The following PCDHA1 variants were observed in gnomAD, a reference collection of about 807,000 sequenced individuals.
The protein encoded by PCDHA1 is protocadherin alpha-1.
A neutral mutation model predicts 61.3 loss-of-function variants in PCDHA1; 42 were observed. That is an observed-to-expected ratio of 0.69 (90% CI 0.54 to 0.89). The LOEUF is 0.89. Among genes scored for constraint, PCDHA1 ranks in the 40% least tolerant of loss-of-function variants. The probability of loss-of-function intolerance (pLI) is 0.00; values close to 1 mark genes in which losing one functional copy is unlikely to be tolerated. For synonymous variants in PCDHA1, 610 were observed against 553.8 expected (o/e 1.10, Z -1.43); for missense variants, 1,256 against 1,235.3 (o/e 1.02, Z -0.25).
rs1554117374 is a variant in PCDHA1, at chr5:140,786,412, A to T, written c.122A>T (p.His41Leu). 1 of 1,613,496 alleles carries T rather than the reference A, an allele frequency of 6.2e-7. No homozygotes were observed. The highest frequency in any genetic ancestry group is 1.7e-5 in the Admixed American group (1 of 60,036). ...LHYSIPEEAK[H>L]GTFVGRVAQD... ...TACTCGATCCCGGAGGAAGCCAAACACGGCACCTTCGTTGGCCGCGTTGCT... is the reference window on the plus strand; with the variant it reads ...TACTCGATCCCGGAGGAAGCCAAACTCGGCACCTTCGTTGGCCGCGTTGCT... Residue 41 changes from histidine (H) to leucine (L), a missense_variant, in exon 1 of 4, where the codon CAC becomes CTC. Physicochemically the swap from His to Leu is moderately conservative, Grantham distance 99. Transcript: ENST00000504120.
At chr5:140,968,540 G>A (rs1554230842) in intron 1 of PCDHA1, 8 of 1,614,064 alleles carry the variant, frequency 5.0e-6, no homozygotes, top group Non-Finnish European at 1.7e-6. Context: ...AGCAGCCTTC[G>A]AGATGGTGCC....
At chr5:140,830,423 C>G (rs782793834) in intron 1 of PCDHA1, 1 of 1,613,982 alleles carries the variant, frequency 6.2e-7, no homozygotes, top group East Asian at 2.2e-5. Context: ...CAGCCTTTCA[C>G]CTTGTCCTAT....
chr5:140,985,675 T>C (rs1477813786), intron 3 of PCDHA1, among the ~76,000 whole-genome samples: 1 of 151,998 alleles, frequency 6.6e-6, no homozygotes, highest in Non-Finnish European at 1.5e-5. Context: ...AAGTGGGGCC[T>C]GCCTTACGCT....
At chr5:140,875,391 A>G (rs1582202337) in intron 1 of PCDHA1, 2 of 1,472,582 alleles carry the variant, frequency 1.4e-6, no homozygotes, top group African/African-American at 2.8e-5. Flanking sequence ...ACTTACAGAA[A>G]AGGGTGACTG....
rs782761361 is a variant in PCDHA1, at chr5:140,927,794, C to T, written c.2395-51155C>T. 1.2e-5 allele frequency: 20 copies of T among 1,614,154 alleles called. No individual in the cohort carries two copies. In the South Asian group the frequency reaches 1.6e-4, roughly 13 times the overall value. Reference sequence around the variant, plus strand: ...GTGCAAGTAGCTGCTTCACTAGGTCCGCCTGAAACGCTCTTGGAGGCATAC... The same window carrying T: ...GTGCAAGTAGCTGCTTCACTAGGTCTGCCTGAAACGCTCTTGGAGGCATAC... On this transcript the variant is annotated intron_variant, in intron 1 of 3. Coordinates refer to ENST00000504120, the MANE Select transcript of PCDHA1 (RefSeq NM_018900.4).
chr5:140,888,324 T>C (rs1191192546), intron 1 of PCDHA1, among the ~76,000 whole-genome samples: 1 of 152,152 alleles, frequency 6.6e-6, no homozygotes, highest in East Asian at 1.9e-4. Flanking sequence ...CCTGGATACA[T>C]TTTTGGTTAT....
chr5:140,805,779 A>C (rs745828596), intron 1 of PCDHA1: 10 of 190,748 alleles, frequency 5.2e-5, no homozygotes, highest in Non-Finnish European at 5.8e-5. Context: ...ATGTCTAGAG[A>C]CTTTTTTTGT....
At chr5:140,793,425 C>A (rs782305849) in intron 1 of PCDHA1, among the ~76,000 whole-genome samples, 1 of 152,084 alleles carries the variant, frequency 6.6e-6, no homozygotes, top group African/African-American at 2.4e-5. Context: ...TACACATTTC[C>A]ATAGATGGTA....
chr5:140,838,117 TGTG>T (rs1554136891), intron 1 of PCDHA1, among the ~76,000 whole-genome samples: 5 of 149,868 alleles, frequency 3.3e-5, no homozygotes, highest in Non-Finnish European at 7.4e-5. Flanking sequence ...TGTGTGTGTG[TGTG>T]TGTGTGTGTG....
At chr5:140,877,559 T>C in intron 1 of PCDHA1, 1 of 1,613,754 alleles carries the variant, frequency 6.2e-7, no homozygotes, top group South Asian at 1.1e-5. Context: ...CTGGTGGATA[T>C]TAACGTGTAC....
intron 1 of PCDHA1, among the ~76,000 whole-genome samples, chr5:140,888,192 A>T (rs906159358): frequency 6.6e-6 from 1 of 152,120 alleles, no homozygotes; most frequent in Non-Finnish European, 1.5e-5. Context: ...TGAATTTTAC[A>T]TTGTCGGATG....
chr5:140,802,202 A>T, intron 1 of PCDHA1: 1 of 1,614,254 alleles, frequency 6.2e-7, no homozygotes, highest in Non-Finnish European at 8.5e-7. Flanking sequence ...ATCACTGCAC[A>T]GTTCTACTCG....
intron 1 of PCDHA1, chr5:140,836,683 C>T (rs2150267743): frequency 6.8e-6 from 11 of 1,613,526 alleles, no homozygotes; most frequent in Non-Finnish European, 9.3e-6. Context: ...CCACCCAAGA[C>T]AGACCTCATG....
chr5:140,885,556 G>A (rs1317413722), intron 1 of PCDHA1, among the ~76,000 whole-genome samples: 22 of 152,018 alleles, frequency 1.4e-4, no homozygotes, highest in African/African-American at 5.3e-4. Flanking sequence ...TTATTTCTAC[G>A]AAATTGATTG....
chr5:140,998,629 A>G (rs989469969), intron 3 of PCDHA1, among the ~76,000 whole-genome samples: 3 of 152,064 alleles, frequency 2.0e-5, no homozygotes, highest in African/African-American at 7.2e-5. Context: ...CAATGGCACA[A>G]TCTCAGCTCA....
intron 1 of PCDHA1, chr5:140,928,117 A>G (rs781867812): frequency 1.1e-5 from 18 of 1,614,208 alleles, no homozygotes; most frequent in Non-Finnish European, 1.5e-5. Context: ...GGAGCAGATC[A>G]GTGAATACCA....
intron 1 of PCDHA1, chr5:140,803,892 A>G (rs1273364244): frequency 3.7e-6 from 2 of 535,820 alleles, no homozygotes; most frequent in East Asian, 6.3e-5. Flanking sequence ...GATGAATTGC[A>G]TTATTTAGAG....
chr5:140,929,539 G>A (rs155821), intron 1 of PCDHA1: 194,060 of 591,620 alleles, frequency 0.33, 32,601 homozygotes, highest in East Asian at 0.49. Flanking sequence ...TGAGAAACAA[G>A]GGCAAAAATT....
intron 1 of PCDHA1, among the ~76,000 whole-genome samples, chr5:140,879,635 G>A (rs190054745): frequency 3.8e-4 from 58 of 152,286 alleles, no homozygotes; most frequent in African/African-American, 1.2e-3. Context: ...TAAGTGTGTC[G>A]CTTCCTGTGG....
Sources: gnomAD v4.1 joint callset for allele counts (sites outside exome capture counted in the v4.1 genomes callset) on GRCh38, gnomAD v4.1.1 for gene constraint, MANE v1.5 for transcripts, NCBI Gene and HGNC (gene_info 2026-07-23, HGNC 2026-07-21) for gene names.